Variants in ASIC2 observed in about 807,000 individuals in gnomAD.
ASIC2 encodes acid sensing ion channel subunit 2.
A neutral mutation model predicts 57.3 loss-of-function variants in ASIC2; 25 were observed. The ratio of observed to expected loss-of-function variants is 0.44; its 90% CI spans 0.32 to 0.61. The LOEUF (loss-of-function observed/expected upper bound fraction) is 0.61. Ranked by LOEUF, ASIC2 falls within the 20% of genes least tolerant of loss-of-function variation. The pLI is 0.06. For missense variants in ASIC2, 641 were observed against 738.1 expected (o/e 0.87, Z 1.52); for synonymous variants, 319 against 307.5 (o/e 1.04, Z -0.39).
chr17:33,197,883 T>C (rs1906700344), intron 1 of ASIC2, among the ~76,000 whole-genome samples: 1 of 152,176 alleles, frequency 6.6e-6, no homozygotes, highest in African/African-American at 2.4e-5. Context: ...TTAATTTAAC[T>C]AGTTGTTGGC....
intron 1 of ASIC2, among the ~76,000 whole-genome samples, chr17:33,802,061 A>C (rs1221191343): frequency 6.6e-6 from 1 of 152,238 alleles, no homozygotes; most frequent in Non-Finnish European, 1.5e-5. Context: ...GATTTTCTAG[A>C]TAAGTCAGAC....
intron 1 of ASIC2, among the ~76,000 whole-genome samples, chr17:33,434,783 A>C (rs1911549339): frequency 6.6e-6 from 1 of 152,234 alleles, no homozygotes; most frequent in Non-Finnish European, 1.5e-5. Context: ...TATGAAACTA[A>C]GACCAAATGA....
intron 1 of ASIC2, among the ~76,000 whole-genome samples, chr17:34,047,002 TC>T (rs1255218756): frequency 1.3e-5 from 2 of 152,214 alleles, no homozygotes; most frequent in Non-Finnish European, 1.5e-5. Context: ...TCTCATTTAG[TC>T]CTTAAAATGA....
intron 1 of ASIC2, chr17:34,039,802 C>T: frequency 1.2e-6 from 2 of 1,610,092 alleles, no homozygotes; most frequent in Non-Finnish European, 1.7e-6. Context: ...CTTACTAACA[C>T]CTACTCCAGT....
chr17:34,054,362 G>T (rs1310445926), intron 1 of ASIC2, among the ~76,000 whole-genome samples: 1 of 152,128 alleles, frequency 6.6e-6, no homozygotes, highest in African/African-American at 2.4e-5. Context: ...GCTGTTATTT[G>T]TCCAGAGCCA....
At chr17:33,281,076 T>C (rs1475495107) in intron 1 of ASIC2, among the ~76,000 whole-genome samples, 2 of 152,202 alleles carry the variant, frequency 1.3e-5, no homozygotes, top group African/African-American at 4.8e-5. Context: ...AAAAGTGTCA[T>C]CTGTAGGCTT....
intron 1 of ASIC2, among the ~76,000 whole-genome samples, chr17:33,993,518 T>C (rs77284509): frequency 0.011 from 1,646 of 152,292 alleles, 31 homozygotes; most frequent in African/African-American, 0.037. Context: ...CTTTGAGGCT[T>C]TTGCCAGTGT....
Position 34,156,121 on chromosome 17 carries a change from G to C in ASIC2, c.412C>G (p.Arg138Gly), listed in dbSNP as rs565904010. ...TAGTGCTTGAAGTTGGCCTTCTGCC[G>C]CAGGGCCTCCAGCACGGAGGGGTCA... The change falls in exon 1 of 10, where the codon CGG (arginine) becomes GGG (glycine). Residue 138 changes from arginine to glycine, a missense_variant. Coordinates refer to the ASIC2 transcript ENST00000359872. The surrounding 1 kb of genome is among the most constrained non-coding windows in gnomAD (Gnocchi z 4.4). 1.2e-6 allele frequency: 2 copies of C among 1,614,088 alleles called. No homozygotes were observed. The highest frequency in any genetic ancestry group is 1.7e-6 in the Non-Finnish European group (2 of 1,180,016).
At chr17:33,974,066 G>A (rs762354698) in intron 1 of ASIC2, among the ~76,000 whole-genome samples, 3 of 151,858 alleles carry the variant, frequency 2.0e-5, no homozygotes, top group Admixed American at 6.6e-5. Flanking sequence ...TCTTCTTCCC[G>A]GCTTCAGTTT....
At chr17:33,365,130 G>A (rs1263432255) in intron 1 of ASIC2, among the ~76,000 whole-genome samples, 2 of 152,098 alleles carry the variant, frequency 1.3e-5, no homozygotes, top group Admixed American at 6.5e-5. Context: ...ATGCTTGGAT[G>A]TCTCCAACTT....
chr17:33,086,137 C>A (rs370146395), intron 3 of ASIC2, among the ~76,000 whole-genome samples: 17 of 152,068 alleles, frequency 1.1e-4, no homozygotes, highest in East Asian at 7.7e-4. Flanking sequence ...ACTTCCCACC[C>A]AGCCCAGAAA....
At chr17:33,038,809 G>T (rs1259444112) in intron 3 of ASIC2, among the ~76,000 whole-genome samples, 2 of 151,958 alleles carry the variant, frequency 1.3e-5, no homozygotes, top group Non-Finnish European at 2.9e-5. Context: ...TTCAATCATT[G>T]ATTTTTCCAG....
Position 33,283,461 on chromosome 17 carries a change from C to T in ASIC2, c.708+7947G>A, listed in dbSNP as rs1381586102. On this transcript the variant is annotated intron_variant, in intron 1 of 9. Coordinates refer to ENST00000225823, the MANE Select transcript of ASIC2 (RefSeq NM_183377.2). ...CCCGGACATGCTCAAGTTTGAGAAG[C>T]GTAGCCCCCTTAAGGACTTTGCAAC... Among the ~76,000 whole-genome samples, 10 of 152,290 alleles carry T rather than the reference C, an allele frequency of 6.6e-5. No individual in the cohort carries two copies. In the South Asian group the frequency reaches 1.7e-3, roughly 25 times the overall value.
chr17:33,806,009 C>T (rs190432407), intron 1 of ASIC2, among the ~76,000 whole-genome samples: 40 of 152,316 alleles, frequency 2.6e-4, no homozygotes, highest in African/African-American at 8.9e-4. Flanking sequence ...TTCACAGAGC[C>T]GCAGTCCTCC....
intron 1 of ASIC2, among the ~76,000 whole-genome samples, chr17:33,474,367 TC>T (rs1184548246): frequency 6.6e-6 from 1 of 151,460 alleles, no homozygotes; most frequent in South Asian, 2.1e-4. Context: ...ACTCCTTGCA[TC>T]CCCCCGCCAA....
At chr17:34,032,971 C>G (rs1243214829) in intron 1 of ASIC2, among the ~76,000 whole-genome samples, 1 of 152,164 alleles carries the variant, frequency 6.6e-6, no homozygotes, top group Non-Finnish European at 1.5e-5. Context: ...AGAAAGTTAA[C>G]AAGGATATCC....
At chr17:34,035,002 GAA>G (rs1418313524) in intron 1 of ASIC2, among the ~76,000 whole-genome samples, 1 of 151,616 alleles carries the variant, frequency 6.6e-6, no homozygotes, top group Non-Finnish European at 1.5e-5. Flanking sequence ...CACAGAATTG[GAA>G]AAAACTACTT....
intron 1 of ASIC2, among the ~76,000 whole-genome samples, chr17:33,605,530 A>G (rs1368462548): frequency 1.3e-5 from 2 of 152,246 alleles, no homozygotes; most frequent in Non-Finnish European, 1.5e-5. Context: ...GGACCGCTTT[A>G]ATGAATAGAA....
chr17:34,108,803 T>C (rs972929084), intron 1 of ASIC2, among the ~76,000 whole-genome samples: 1 of 152,132 alleles, frequency 6.6e-6, no homozygotes, highest in Non-Finnish European at 1.5e-5. Flanking sequence ...ATTTTGAAAC[T>C]CTGTTAAGTG....
Sources: allele counts gnomAD v4.1 joint callset (sites outside exome capture counted in the v4.1 genomes callset), GRCh38; gene constraint gnomAD v4.1.1; non-coding constraint Gnocchi (gnomAD v3.1); transcripts MANE v1.5; gene names NCBI Gene and HGNC (gene_info 2026-07-23, HGNC 2026-07-21).